Variants in GPM6A observed in about 807,000 individuals in gnomAD.
GPM6A encodes glycoprotein M6A, also known as neuronal membrane glycoprotein M6-a.
Under a neutral mutation model 32.1 loss-of-function variants are expected in GPM6A, and 7 were observed. The ratio of observed to expected loss-of-function variants is 0.22; its 90% confidence interval spans 0.12 to 0.41. GPM6A has a LOEUF of 0.41. GPM6A is among the 10% of genes least tolerant of loss of function. The probability of loss-of-function intolerance (pLI) is 1.00; values close to 1 mark genes in which losing one functional copy is unlikely to be tolerated. For synonymous variants in GPM6A, 130 were observed against 123.4 expected, an observed-to-expected ratio of 1.05 and a Z score of -0.35; for missense variants, 235 against 347.2, an observed-to-expected ratio of 0.68 and a Z score of 2.57.
chr4:175,817,170 A>G (rs9312586), upstream of GPM6A, among the ~76,000 whole-genome samples: 19,550 of 152,256 alleles, frequency 0.13, 1,742 homozygotes, highest in African/African-American at 0.26. Context: ...ACATTTTCTT[A>G]AAGAAAGTCA....
chr4:175,802,751 A>G (rs1021561451), intron 1 of GPM6A, among the ~76,000 whole-genome samples: 1 of 152,146 alleles, frequency 6.6e-6, no homozygotes, highest in Non-Finnish European at 1.5e-5. Flanking sequence ...ACAGCGTATT[A>G]TAAAATATTA....
chr4:175,671,681 G>A (rs915861462), intron 3 of GPM6A, among the ~76,000 whole-genome samples: 7 of 152,078 alleles, frequency 4.6e-5, no homozygotes, highest in Non-Finnish European at 1.0e-4. Flanking sequence ...GGCTGCAGCC[G>A]CCACTGTTTA....
intron 1 of GPM6A, among the ~76,000 whole-genome samples, chr4:175,774,665 T>C (rs1733322837): frequency 6.6e-6 from 1 of 152,078 alleles, no homozygotes; most frequent in South Asian, 2.1e-4. Context: ...TTGTATATAA[T>C]GGTAAGATCC....
intron 1 of GPM6A, among the ~76,000 whole-genome samples, chr4:175,794,353 T>C (rs1734131806): frequency 6.6e-6 from 1 of 152,226 alleles, no homozygotes; most frequent in African/African-American, 2.4e-5. Flanking sequence ...GAGTCCTTAA[T>C]AGAAACCATA....
intron 1 of GPM6A, among the ~76,000 whole-genome samples, chr4:175,820,125 G>GT (rs1348634977): frequency 6.6e-6 from 1 of 152,156 alleles, no homozygotes; most frequent in Non-Finnish European, 1.5e-5. Flanking sequence ...CTCAGTGGAC[G>GT]TATCTCTGAT....
intron 1 of GPM6A, among the ~76,000 whole-genome samples, chr4:175,978,312 C>T (rs116426654): frequency 0.018 from 2,719 of 152,174 alleles, 66 homozygotes; most frequent in African/African-American, 0.061. Flanking sequence ...TATCAGATCT[C>T]GTGAGAACTC....
At chr4:175,795,254 C>T (rs1199311866) in intron 1 of GPM6A, among the ~76,000 whole-genome samples, 1 of 152,160 alleles carries the variant, frequency 6.6e-6, no homozygotes, top group Non-Finnish European at 1.5e-5. Flanking sequence ...TGATAAATTC[C>T]ATTTTGGACA....
intron 1 of GPM6A, among the ~76,000 whole-genome samples, chr4:175,780,204 C>G (rs140466625): frequency 6.6e-6 from 1 of 152,012 alleles, no homozygotes; most frequent in Non-Finnish European, 1.5e-5. Context: ...CCTGCCCCCA[C>G]GCCCAGCTGA....
intron 1 of GPM6A, among the ~76,000 whole-genome samples, chr4:175,854,277 TC>T (rs1457066678): frequency 1.3e-4 from 20 of 152,126 alleles, no homozygotes; most frequent in Admixed American, 1.3e-3. Context: ...AGGTGTTTCA[TC>T]CAGAAATTAC....
intron 5 of GPM6A, 67 bp downstream of exon 5, chr4:175,640,686 C>T: frequency 9.5e-7 from 1 of 1,054,660 alleles, no homozygotes; most frequent in Non-Finnish European, 1.5e-6. Context: ...AGTTTTAATA[C>T]ATTATCCAAA....
intron 1 of GPM6A, among the ~76,000 whole-genome samples, chr4:175,703,538 T>G (rs553490401): frequency 6.6e-6 from 1 of 152,336 alleles, no homozygotes; most frequent in South Asian, 2.1e-4. Context: ...TCTTTGGCCA[T>G]CATGGTCACT....
chr4:175,756,322 T>C (rs950642002), intron 1 of GPM6A, among the ~76,000 whole-genome samples: 1 of 152,038 alleles, frequency 6.6e-6, no homozygotes, highest in African/African-American at 2.4e-5. Context: ...ATGGAAAGAA[T>C]GGTGAAAACA....
intron 1 of GPM6A, among the ~76,000 whole-genome samples, chr4:175,974,790 C>T (rs752414634): frequency 1.3e-5 from 2 of 152,064 alleles, no homozygotes; most frequent in African/African-American, 2.4e-5. Context: ...TCAAGCTATC[C>T]TCCAGCCTCA....
upstream of GPM6A, among the ~76,000 whole-genome samples, chr4:175,813,645 T>G (rs1735013000): frequency 6.6e-6 from 1 of 152,036 alleles, no homozygotes; most frequent in African/African-American, 2.4e-5. Context: ...GAAAAATAGC[T>G]CACATCCTCA....
Position 175,673,795 on chromosome 4 carries a change from G to C in GPM6A, c.272C>G (p.Ala91Gly). ...CAGCAAAATGCCATACACAAAGAAC[G>C]CAGCTGCGATGCCGTAGATCACATA... is the stretch of plus-strand genomic sequence containing the variant. ...FKYVIYGIAAAFFVYGILLMV... is the reference protein window; with the variant it reads ...FKYVIYGIAAGFFVYGILLMV... The change falls in exon 3 of 7, where the codon GCG (alanine) becomes GGG (glycine). Residue 91 changes from alanine to glycine, a missense_variant. Physicochemically the swap from Ala to Gly is moderately conservative, Grantham distance 60. This residue lies in a region of GPM6A where 101 missense variants were observed against 171.2 expected (regional missense o/e 0.59). Coordinates refer to ENST00000393658, the MANE Select transcript of GPM6A (RefSeq NM_201591.3). 1 of 1,610,894 alleles carries C rather than the reference G, an allele frequency of 6.2e-7. No homozygotes were observed. Among genetic ancestry groups the C allele is most frequent in the African/African-American group, 1.3e-5 (1 of 74,988 alleles).
chr4:175,894,476 G>A (rs1022213746), intron 1 of GPM6A, among the ~76,000 whole-genome samples: 1 of 152,116 alleles, frequency 6.6e-6, no homozygotes, highest in African/African-American at 2.4e-5. Flanking sequence ...GGAAATAGCT[G>A]CTCCATTCTG....
intron 2 of GPM6A, among the ~76,000 whole-genome samples, chr4:175,687,316 C>A (rs551478241): frequency 1.9e-4 from 29 of 152,252 alleles, no homozygotes; most frequent in Non-Finnish European, 3.4e-4. Context: ...ACTCATTGAA[C>A]AGCCACTCCC....
chr4:175,732,792 G>T (rs1349038515), intron 1 of GPM6A, among the ~76,000 whole-genome samples: 1 of 152,118 alleles, frequency 6.6e-6, no homozygotes, highest in Non-Finnish European at 1.5e-5. Flanking sequence ...TTACCTCAGA[G>T]AAATATTATG....
At chr4:175,674,982 A>G (rs1164973079) in intron 2 of GPM6A, among the ~76,000 whole-genome samples, 1 of 149,122 alleles carries the variant, frequency 6.7e-6, no homozygotes, top group African/African-American at 2.6e-5. Context: ...GCCAGAACTG[A>G]TACATAATAA....
Sources: gnomAD v4.1 joint callset for allele counts (sites outside exome capture counted in the v4.1 genomes callset) on GRCh38, gnomAD v4.1.1 for gene constraint, gnomAD v4.1.1 regional missense constraint, MANE v1.5 for transcripts, NCBI Gene and HGNC (gene_info 2026-07-23, HGNC 2026-07-21) for gene names.